The following FSHR variants were observed in gnomAD, a reference collection of about 807,000 sequenced individuals.
FSHR encodes the protein follicle-stimulating hormone receptor.
A neutral mutation model predicts 52.1 loss-of-function variants in FSHR; 46 were observed. The ratio of observed to expected loss-of-function variants is 0.88; its 90% confidence interval spans 0.70 to 1.13. The LOEUF is 1.13. Ranked by LOEUF, FSHR falls within the 50% of genes most tolerant of loss-of-function variation. The probability of loss-of-function intolerance (pLI) is 0.00; values close to 1 mark genes in which losing one functional copy is unlikely to be tolerated. For missense variants in FSHR, 964 were observed against 834.6 expected (o/e 1.16, Z -1.91); for synonymous variants, 399 against 309.6 (o/e 1.29, Z -3.03).
At chr2:49,017,720 T>C (rs1351719723) in intron 3 of FSHR, among the ~76,000 whole-genome samples, 157 bp from the exon 4 acceptor site, 3 of 152,146 alleles carry the variant, frequency 2.0e-5, no homozygotes, top group Non-Finnish European at 2.9e-5. Context: ...TCAATAAATA[T>C]TGAGGGAGCA....
At chr2:49,066,257 T>C (rs183603934) in intron 2 of FSHR, among the ~76,000 whole-genome samples, 77 of 152,190 alleles carry the variant, frequency 5.1e-4, no homozygotes, top group African/African-American at 1.8e-3. Flanking sequence ...TGGTCACATG[T>C]GCAGAATGAA....
chr2:49,124,234 A>G (rs1671921038), intron 1 of FSHR, among the ~76,000 whole-genome samples: 3 of 150,308 alleles, frequency 2.0e-5, no homozygotes, highest in Non-Finnish European at 4.4e-5. Context: ...TGACCTCGTG[A>G]TCCACCCACC....
intron 1 of FSHR, among the ~76,000 whole-genome samples, chr2:49,087,030 A>C (rs1360806981): frequency 2.8e-5 from 4 of 145,286 alleles, no homozygotes; most frequent in South Asian, 2.3e-4. Context: ...AGCCAGCAGC[A>C]AGTTGCTCTG....
intron 1 of FSHR, among the ~76,000 whole-genome samples, chr2:49,148,599 G>C (rs188403132): frequency 2.0e-5 from 3 of 151,976 alleles, no homozygotes; most frequent in Admixed American, 2.0e-4. Flanking sequence ...AAAATTAAAC[G>C]CAAGGCAAGA....
intron 1 of FSHR, among the ~76,000 whole-genome samples, chr2:49,098,325 A>G (rs1207389341): frequency 1.3e-5 from 2 of 152,176 alleles, no homozygotes; most frequent in Non-Finnish European, 2.9e-5. Flanking sequence ...TGATAAATTT[A>G]GTGATAGAGA....
At chr2:49,054,857 C>G (rs1040428693) in intron 2 of FSHR, among the ~76,000 whole-genome samples, 11 of 152,088 alleles carry the variant, frequency 7.2e-5, no homozygotes, top group Admixed American at 2.0e-4. Flanking sequence ...CTCACCAAAA[C>G]AACACCCCAA....
At chr2:48,999,297 T>G (rs1238319196) in intron 4 of FSHR, among the ~76,000 whole-genome samples, 1 of 152,074 alleles carries the variant, frequency 6.6e-6, no homozygotes, top group African/African-American at 2.4e-5. Flanking sequence ...ACAGGTACCC[T>G]TACCATCCTC....
intron 1 of FSHR, among the ~76,000 whole-genome samples, chr2:49,102,527 G>A (rs1671069346): frequency 6.6e-6 from 1 of 152,142 alleles, no homozygotes; most frequent in South Asian, 2.1e-4. Context: ...GCAGATCATA[G>A]AACAGACAAG....
intron 5 of FSHR, among the ~76,000 whole-genome samples, chr2:48,989,652 C>G (rs995827110): frequency 1.3e-5 from 2 of 152,158 alleles, no homozygotes; most frequent in African/African-American, 4.8e-5. Context: ...TGACCTTTCA[C>G]CTCTTGTCTA....
At chr2:49,153,855 C>T (rs557419341) in intron 1 of FSHR, among the ~76,000 whole-genome samples, 6 of 152,244 alleles carry the variant, frequency 3.9e-5, no homozygotes, top group South Asian at 2.1e-4. Flanking sequence ...TCAGTGTCCT[C>T]GGGAGACATA....
At chr2:49,010,515 T>C (rs1440969077) in intron 4 of FSHR, among the ~76,000 whole-genome samples, 1 of 152,080 alleles carries the variant, frequency 6.6e-6, no homozygotes. Flanking sequence ...TCTGCCCGGC[T>C]TTGGTATCAG....
chr2:49,150,851 G>A lies in FSHR; in HGVS notation c.152+3415C>T, dbSNP rs532044539. Among the ~76,000 whole-genome samples, 6 of 151,954 alleles carry A rather than the reference G, an allele frequency of 3.9e-5. No individual in the cohort carries two copies. The East Asian group carries it at 1.2e-3, about 29-fold the overall frequency. On this transcript the variant is annotated intron_variant, in intron 1 of 9. Coordinates refer to ENST00000406846, the MANE Select transcript of FSHR (RefSeq NM_000145.4). ...CAGAAGTGGGCAATACATAGTCCAT[G>A]GGCCAAATTTGGCTTGCCCCATGTT... is the stretch of plus-strand genomic sequence containing the variant.
chr2:48,965,727 C>T (rs1372239638), intron 9 of FSHR, among the ~76,000 whole-genome samples: 1 of 152,194 alleles, frequency 6.6e-6, no homozygotes, highest in African/African-American at 2.4e-5. Context: ...ATTGTTGATA[C>T]TGCTGTCCAT....
intron 3 of FSHR, among the ~76,000 whole-genome samples, chr2:49,018,931 A>G (rs145983996): frequency 1.3e-5 from 2 of 152,324 alleles, no homozygotes; most frequent in African/African-American, 4.8e-5. Context: ...CTTGTTAAAA[A>G]GATACAAAAG....
At chr2:48,975,621 G>A (rs1674952243) in intron 8 of FSHR, among the ~76,000 whole-genome samples, 2 of 152,082 alleles carry the variant, frequency 1.3e-5, no homozygotes, top group African/African-American at 4.8e-5. Flanking sequence ...ATAGCCATGT[G>A]AGCCAATGTC....
At chr2:49,112,958 G>C (rs1486027119) in intron 1 of FSHR, among the ~76,000 whole-genome samples, 1 of 152,102 alleles carries the variant, frequency 6.6e-6, no homozygotes, top group Non-Finnish European at 1.5e-5. Flanking sequence ...GGAGGGAAAA[G>C]AAAAGCCTCC....
chr2:49,066,905 G>T (rs1013297426), intron 2 of FSHR, among the ~76,000 whole-genome samples: 1 of 152,018 alleles, frequency 6.6e-6, no homozygotes, highest in East Asian at 1.9e-4. Flanking sequence ...CAAGGGAATC[G>T]CGAATACATC....
At chr2:49,052,612 T>C (rs1285998079) in intron 2 of FSHR, among the ~76,000 whole-genome samples, 6 of 152,188 alleles carry the variant, frequency 3.9e-5, no homozygotes, top group Admixed American at 3.9e-4. Context: ...CTCAACGTCA[T>C]TTCCTTGTTA....
chr2:49,127,758 T>C (rs374872133), intron 1 of FSHR, among the ~76,000 whole-genome samples: 1,267 of 28,396 alleles, frequency 0.045, 80 homozygotes, highest in East Asian at 0.1. Flanking sequence ...TTCTTTCTTC[T>C]TCTTCTTCTT....
Sources: allele counts gnomAD v4.1 joint callset (sites outside exome capture counted in the v4.1 genomes callset), GRCh38; gene constraint gnomAD v4.1.1; transcripts MANE v1.5; gene names NCBI Gene and HGNC (gene_info 2026-07-23, HGNC 2026-07-21).